LMO7: variants seen among roughly 807,000 people sequenced by gnomAD.
LMO7 encodes LIM domain only protein 7.
A neutral mutation model predicts 206.5 loss-of-function variants in LMO7; 120 were observed. The ratio of observed to expected loss-of-function variants is 0.58; its 90% CI spans 0.50 to 0.68. The LOEUF is 0.68. Among genes scored for constraint, LMO7 ranks in the 30% least tolerant of loss-of-function variants. LMO7 has a pLI of 0.00. For missense variants in LMO7, 1,959 were observed against 1,957.9 expected (o/e 1.00, Z -0.01); for synonymous variants, 706 against 681.5 (o/e 1.04, Z -0.56).
chr13:75,839,702 G>C (rs11617789), intron 20 of LMO7: 35,417 of 157,912 alleles, frequency 0.22, 4,825 homozygotes, highest in African/African-American at 0.38. Flanking sequence ...ATTGGGATTT[G>C]GTAGATGTTG....
intron 1 of LMO7, among the ~76,000 whole-genome samples, chr13:75,686,206 T>A (rs1270958456): frequency 1.3e-5 from 2 of 152,126 alleles, no homozygotes; most frequent in African/African-American, 4.8e-5. Context: ...ACCCAAGACT[T>A]GGCAATTTCC....
intron 24 of LMO7, among the ~76,000 whole-genome samples, chr13:75,842,537 G>T (rs1294096306): frequency 1.3e-5 from 2 of 152,070 alleles, no homozygotes; most frequent in African/African-American, 4.8e-5. Context: ...CCTGCCTGCT[G>T]CAGTAAGATG....
chr13:75,687,147 T>C (rs1347771466), intron 1 of LMO7, among the ~76,000 whole-genome samples: 1 of 152,232 alleles, frequency 6.6e-6, no homozygotes. Flanking sequence ...ATTATCCCTG[T>C]CCTGGATTTA....
intron 1 of LMO7, among the ~76,000 whole-genome samples, chr13:75,675,383 A>G (rs889634119): frequency 6.6e-6 from 1 of 152,084 alleles, no homozygotes; most frequent in African/African-American, 2.4e-5. Context: ...CTGTTACAAC[A>G]TATTTCTACC....
At chr13:75,848,445 A>ATCTATCTATCTG (rs1566612286) in intron 26 of LMO7, among the ~76,000 whole-genome samples, 1 of 151,730 alleles carries the variant, frequency 6.6e-6, no homozygotes, top group African/African-American at 2.4e-5. Context: ...CTATCTATCT[A>ATCTATCTATCTG]TCTATCTATC....
At chr13:75,674,331 T>C (rs2039836865) in intron 1 of LMO7, among the ~76,000 whole-genome samples, 1 of 152,228 alleles carries the variant, frequency 6.6e-6, no homozygotes, top group African/African-American at 2.4e-5. Context: ...CTTAAAAATA[T>C]CTTCCAGTTT....
At chr13:75,851,274 T>C (rs1304068213) in intron 27 of LMO7, among the ~76,000 whole-genome samples, 1 of 152,232 alleles carries the variant, frequency 6.6e-6, no homozygotes, top group East Asian at 1.9e-4. Flanking sequence ...AAAGAAGTTA[T>C]TGAAAACTGT....
chr13:75,649,383 A>G (rs772158151), intron 1 of LMO7, among the ~76,000 whole-genome samples: 3 of 152,218 alleles, frequency 2.0e-5, no homozygotes, highest in Admixed American at 6.5e-5. Context: ...GGAATGTGTT[A>G]GAGATCTTAA....
At chr13:75,686,993 C>T (rs921141185) in intron 1 of LMO7, among the ~76,000 whole-genome samples, 1 of 152,092 alleles carries the variant, frequency 6.6e-6, no homozygotes, top group Non-Finnish European at 1.5e-5. Flanking sequence ...ATCTAAATTA[C>T]CTCCAAAGGC....
intron 1 of LMO7, among the ~76,000 whole-genome samples, chr13:75,662,381 T>C (rs1195392551): frequency 6.6e-6 from 1 of 152,196 alleles, no homozygotes; most frequent in Non-Finnish European, 1.5e-5. Context: ...TGCAGTGGCA[T>C]GATTTTGGCT....
At chr13:75,646,469 C>G (rs1457608693) in intron 1 of LMO7, among the ~76,000 whole-genome samples, 2 of 152,166 alleles carry the variant, frequency 1.3e-5, no homozygotes, top group South Asian at 2.1e-4. Flanking sequence ...TCTCTAGGGC[C>G]CCATATGATC....
At chr13:75,792,521 A>C (rs1409039533) in intron 4 of LMO7, among the ~76,000 whole-genome samples, 1 of 152,148 alleles carries the variant, frequency 6.6e-6, no homozygotes, top group African/African-American at 2.4e-5. Context: ...CTTATATTTC[A>C]TTCTGAGGTG....
chr13:75,692,536 C>G (rs2041576843), intron 1 of LMO7, among the ~76,000 whole-genome samples: 1 of 152,060 alleles, frequency 6.6e-6, no homozygotes, highest in Non-Finnish European at 1.5e-5. Flanking sequence ...CAGGCGCACA[C>G]CACCATGCCT....
intron 2 of LMO7, among the ~76,000 whole-genome samples, chr13:75,714,127 A>G (rs2138146232): frequency 6.6e-6 from 1 of 152,350 alleles, no homozygotes; most frequent in South Asian, 2.1e-4. Flanking sequence ...GATTTTGATT[A>G]TCCTTTTGAA....
At chr13:75,840,045 A>G in intron 20 of LMO7, 40 bp from the exon 21 acceptor site, 1 of 1,597,552 alleles carries the variant, frequency 6.3e-7, no homozygotes, top group South Asian at 1.1e-5. Flanking sequence ...GAAGACTTAT[A>G]TTGTATATTT....
At chr13:75,814,012 T>C (rs992923605) in intron 11 of LMO7, among the ~76,000 whole-genome samples, 5 of 152,228 alleles carry the variant, frequency 3.3e-5, no homozygotes, top group African/African-American at 1.2e-4. Context: ...ATAGTATGAC[T>C]TACGTGAATC....
At chr13:75,709,760 C>G (rs977889315) in intron 1 of LMO7, among the ~76,000 whole-genome samples, 3 of 152,176 alleles carry the variant, frequency 2.0e-5, no homozygotes, top group African/African-American at 7.2e-5. Context: ...CCTGTTCACT[C>G]TGATGGTAGT....
At chr13:75,779,097 A>G (rs1377951332) in intron 4 of LMO7, among the ~76,000 whole-genome samples, 2 of 152,154 alleles carry the variant, frequency 1.3e-5, no homozygotes, top group African/African-American at 4.8e-5. Flanking sequence ...TGATGCTGAA[A>G]GTTGGAGGCT....
At chr13:75,683,629 T>A (rs147565011) in intron 1 of LMO7, among the ~76,000 whole-genome samples, 3 of 152,228 alleles carry the variant, frequency 2.0e-5, no homozygotes, top group African/African-American at 7.2e-5. Flanking sequence ...GAGACAGGTC[T>A]CAATCAATTT....
Sources: allele counts gnomAD v4.1 joint callset (sites outside exome capture counted in the v4.1 genomes callset), GRCh38; gene constraint gnomAD v4.1.1; transcripts MANE v1.5; gene names NCBI Gene and HGNC (gene_info 2026-07-23, HGNC 2026-07-21).